The following HNRNPUL1 variants were observed in gnomAD, a reference collection of about 807,000 sequenced individuals.
HNRNPUL1 encodes the protein heterogeneous nuclear ribonucleoprotein U like 1, also known as heterogeneous nuclear ribonucleoprotein U-like protein 1.
A neutral mutation model predicts 108.5 loss-of-function variants in HNRNPUL1; 14 were observed. That is an observed-to-expected ratio of 0.13 (90% CI 0.09 to 0.20). The LOEUF is 0.20. Ranked by LOEUF, HNRNPUL1 falls within the 10% of genes least tolerant of loss-of-function variation. The pLI, the probability that HNRNPUL1 is intolerant of heterozygous loss-of-function variation, is 1.00. For missense variants in HNRNPUL1, 804 were observed against 1,168.3 expected (o/e 0.69, Z 4.55); for synonymous variants, 422 against 445.2 (o/e 0.95, Z 0.66).
chr19:41,301,823 TTTGC>T, intron 11 of HNRNPUL1, 119 bp downstream of exon 11: 1 of 923,664 alleles, frequency 1.1e-6, no homozygotes, highest in South Asian at 1.8e-5. Flanking sequence ...TTACTCTTTC[TTTGC>T]TTCTGCTTTG....
intron 7 of HNRNPUL1, among the ~76,000 whole-genome samples, chr19:41,289,026 G>C (rs1270373340): frequency 7.3e-6 from 1 of 136,734 alleles, no homozygotes; most frequent in Non-Finnish European, 1.6e-5. Context: ...AATTTTCATA[G>C]CTACCACCAA....
At chr19:41,265,032 G>C (rs2034730372) in intron 1 of HNRNPUL1, 2 of 1,395,222 alleles carry the variant, frequency 1.4e-6, no homozygotes, top group Non-Finnish European at 1.9e-6. Context: ...TCGGAGGTGA[G>C]GGACGGGGGT....
chr19:41,289,952 C>G (rs1021300106), intron 7 of HNRNPUL1, among the ~76,000 whole-genome samples: 4 of 151,996 alleles, frequency 2.6e-5, no homozygotes, highest in Non-Finnish European at 5.9e-5. Flanking sequence ...ACCTCATGAT[C>G]TGCCCACCTC....
At chr19:41,296,618 G>A (rs2036911186) in intron 10 of HNRNPUL1, among the ~76,000 whole-genome samples, 1 of 152,222 alleles carries the variant, frequency 6.6e-6, no homozygotes, top group African/African-American at 2.4e-5. Context: ...AAAACTCTGG[G>A]TATGAGAAAG....
At position 41,302,909 on chromosome 19, in the gene HNRNPUL1, C is replaced by A; in HGVS notation, c.1932C>A (p.Asn644Lys). The change falls in exon 12 of 15, where the codon AAC (asparagine) becomes AAA (lysine). Residue 644 changes from asparagine to lysine, a missense_variant. By Grantham distance (94) the Asn-to-Lys change is moderately conservative. Around this residue, in one of 4 missense-constraint regions of HNRNPUL1, gnomAD observed 294 missense variants for 388.3 expected, o/e 0.76. Coordinates refer to ENST00000392006, the MANE Select transcript of HNRNPUL1 (RefSeq NM_007040.6). ...GAGGCAACCGTGGCGGCTTCCAGAACCGAGGGGGAGGCAGCGGTGGAGGAG... is the reference window on the plus strand; with the variant it reads ...GAGGCAACCGTGGCGGCTTCCAGAAACGAGGGGGAGGCAGCGGTGGAGGAG... Reference protein sequence around the residue: ...PPGGNRGGFQNRGGGSGGGGN... With the variant: ...PPGGNRGGFQKRGGGSGGGGN... 1 of 1,534,866 alleles carries A rather than the reference C, an allele frequency of 6.5e-7. No homozygotes were observed. The highest frequency in any genetic ancestry group is 1.3e-5 in the South Asian group (1 of 78,428).
Position 41,281,227 on chromosome 19 carries a change from A to G in HNRNPUL1, c.951A>G (p.Glu317=), listed in dbSNP as rs754392087. ...TGKKSTNSRF[E]NYGDKFAEND... is the part of the protein sequence containing the mutation. ...AGAAGTCCACCAATAGCCGGTTTGA[A>G]AACTACGGAGACAAGTTTGCAGAGA... Residue 317 remains glutamate, a synonymous_variant, in exon 7 of 15, where the codon GAA becomes GAG. Coordinates refer to ENST00000392006, the MANE Select transcript of HNRNPUL1 (RefSeq NM_007040.6). 1 of 1,614,134 alleles carries G rather than the reference A, an allele frequency of 6.2e-7. No homozygotes were observed. Among genetic ancestry groups the G allele is most frequent in the South Asian group, 1.1e-5 (1 of 91,080 alleles).
chr19:41,282,118 C>T (rs1408668781), intron 7 of HNRNPUL1, among the ~76,000 whole-genome samples: 1 of 152,202 alleles, frequency 6.6e-6, no homozygotes, highest in African/African-American at 2.4e-5. Context: ...GATTCATCCT[C>T]TGAAGCTTAT....
chr19:41,277,416 C>T (rs906449598), intron 5 of HNRNPUL1, among the ~76,000 whole-genome samples: 8 of 152,224 alleles, frequency 5.3e-5, no homozygotes, highest in Non-Finnish European at 1.0e-4. Flanking sequence ...GACCACGACA[C>T]CATTGATGTA....
At chr19:41,302,338 C>A (rs1469379056) in intron 11 of HNRNPUL1, 2 of 368,238 alleles carry the variant, frequency 5.4e-6, no homozygotes, top group Non-Finnish European at 1.1e-5. Flanking sequence ...CCTGCCTCAG[C>A]CTCCCGAGTA....
At chr19:41,290,179 G>A (rs2036501873) in intron 7 of HNRNPUL1, among the ~76,000 whole-genome samples, 1 of 152,160 alleles carries the variant, frequency 6.6e-6, no homozygotes, top group South Asian at 2.1e-4. Flanking sequence ...CACCTGAATA[G>A]AGAAAGAAAT....
intron 6 of HNRNPUL1, among the ~76,000 whole-genome samples, chr19:41,279,852 G>C (rs1599791840): frequency 6.6e-6 from 1 of 152,174 alleles, no homozygotes; most frequent in African/African-American, 2.4e-5. Context: ...CATTCCATTT[G>C]TAGTCTTCTG....
chr19:41,285,827 C>T (rs916821885), intron 7 of HNRNPUL1, among the ~76,000 whole-genome samples: 5 of 152,036 alleles, frequency 3.3e-5, no homozygotes, highest in African/African-American at 1.2e-4. Flanking sequence ...ATTAGGGGCA[C>T]CAACCCCCAT....
At chr19:41,264,883 G>T in intron 1 of HNRNPUL1, 85 bp downstream of exon 1, 1 of 1,344,364 alleles carries the variant, frequency 7.4e-7, no homozygotes, top group Non-Finnish European at 9.5e-7. Context: ...AGCGCCTGAG[G>T]TCGGGGAGAC....
chr19:41,292,447 A>G lies in HNRNPUL1; in HGVS notation c.1202A>G (p.Gln401Arg). 1 of 1,614,166 alleles carries G rather than the reference A, an allele frequency of 6.2e-7. No homozygotes were observed. Among genetic ancestry groups the G allele is most frequent in the Non-Finnish European group, 8.5e-7 (1 of 1,180,002 alleles). The change falls in exon 8 of 15, where the codon CAG becomes CGG. Residue 401 changes from glutamine to arginine, a missense_variant. Transcript: ENST00000392006. This position sits in a 1 kb window ranked among gnomAD's most constrained non-coding sequence, Gnocchi z 4.1. ...CSVLPGFTFI[Q>R]HLPLSERIRG... ...GTCCTCCCGGGGTTTACCTTCATCC[A>G]GCACCTTCCCCTTAGTGAGCGTATC...
intron 2 of HNRNPUL1, among the ~76,000 whole-genome samples, chr19:41,270,535 C>T (rs761878357): frequency 1.0e-3 from 152 of 150,280 alleles, no homozygotes; most frequent in Non-Finnish European, 1.9e-3. Flanking sequence ...ATTTCCCAAT[C>T]ATGTTAAGTA....
chr19:41,282,329 T>G (rs2035944544), intron 7 of HNRNPUL1, among the ~76,000 whole-genome samples: 1 of 151,912 alleles, frequency 6.6e-6, no homozygotes, highest in Non-Finnish European at 1.5e-5. Flanking sequence ...ATTGCAGGCA[T>G]GCACCACTAC....
At chr19:41,300,860 G>A (rs150921297) in intron 10 of HNRNPUL1, among the ~76,000 whole-genome samples, 69 of 151,448 alleles carry the variant, frequency 4.6e-4, no homozygotes, top group African/African-American at 1.6e-3. Flanking sequence ...TTGTGGGTGA[G>A]GCTGATGTTT....
chr19:41,289,077 T>G (rs928124974), intron 7 of HNRNPUL1, among the ~76,000 whole-genome samples: 1 of 152,098 alleles, frequency 6.6e-6, no homozygotes, highest in African/African-American at 2.4e-5. Flanking sequence ...AACTTGTCAC[T>G]GTGTGACAGT....
upstream of HNRNPUL1, among the ~76,000 whole-genome samples, chr19:41,263,597 T>G (rs894005517): frequency 6.6e-6 from 1 of 152,194 alleles, no homozygotes; most frequent in East Asian, 1.9e-4. Context: ...CCTTCGGGAC[T>G]CTCTCAACTC....
Sources: allele counts gnomAD v4.1 joint callset (sites outside exome capture counted in the v4.1 genomes callset), GRCh38; gene constraint gnomAD v4.1.1; regional missense constraint gnomAD v4.1.1; non-coding constraint Gnocchi (gnomAD v3.1); transcripts MANE v1.5; gene names NCBI Gene and HGNC (gene_info 2026-07-23, HGNC 2026-07-21).